SLC9C2: variants seen among roughly 807,000 people sequenced by gnomAD.
The protein encoded by SLC9C2 is solute carrier family 9 member C2 (putative), also known as sodium/hydrogen exchanger 11.
Under a neutral mutation model 140.2 loss-of-function variants are expected in SLC9C2, and 75 were observed. The observed-to-expected ratio is 0.53, with a 90% CI of 0.44 to 0.65. The LOEUF (loss-of-function observed/expected upper bound fraction) is 0.65, where lower values mean the gene tolerates loss of function less well. Among genes scored for constraint, SLC9C2 ranks in the 30% least tolerant of loss-of-function variants. SLC9C2 has a pLI of 0.00. For missense variants in SLC9C2, 1,074 were observed against 1,331.8 expected (o/e 0.81, Z 3.01); for synonymous variants, 375 against 420.9 (o/e 0.89, Z 1.34).
At chr1:173,590,348 C>G (rs2102247431) in intron 4 of SLC9C2, among the ~76,000 whole-genome samples, 1 of 151,434 alleles carries the variant, frequency 6.6e-6, no homozygotes, top group Non-Finnish European at 1.5e-5. Flanking sequence ...GATTTAGTAA[C>G]CATAAGAAGT....
intron 9 of SLC9C2, among the ~76,000 whole-genome samples, chr1:173,557,761 A>G (rs1663811317): frequency 6.6e-6 from 1 of 152,112 alleles, no homozygotes; most frequent in Non-Finnish European, 1.5e-5. Context: ...CATCAACACT[A>G]CTGTATACTG....
chr1:173,524,966 C>T (rs772509860), intron 19 of SLC9C2, 39 bp from the exon 20 acceptor site: 2 of 1,575,966 alleles, frequency 1.3e-6, no homozygotes, highest in Admixed American at 1.7e-5. Flanking sequence ...GTGGCCTATG[C>T]AATAACCACA....
chr1:173,597,123 TA>T (rs201704545), intron 4 of SLC9C2, among the ~76,000 whole-genome samples: 4 of 150,478 alleles, frequency 2.7e-5, no homozygotes, highest in Admixed American at 6.6e-5. Context: ...GCACAACATT[TA>T]AAAAAAAACA....
At chr1:173,569,126 T>C (rs1571582186) in intron 9 of SLC9C2, among the ~76,000 whole-genome samples, 1 of 152,090 alleles carries the variant, frequency 6.6e-6, no homozygotes, top group Non-Finnish European at 1.5e-5. Context: ...AAATATGTCA[T>C]GCCACTCTCT....
chr1:173,573,405 C>T, intron 8 of SLC9C2, 80 bp from the exon 9 acceptor site: 2 of 1,018,186 alleles, frequency 2.0e-6, no homozygotes, highest in Middle Eastern at 3.3e-4. Flanking sequence ...AATCATATAT[C>T]TTATATCTAC....
chr1:173,600,297 C>T lies in SLC9C2; in HGVS notation c.128-80G>A, dbSNP rs577952056. The T allele has an allele frequency of 2.3e-5, 20 of 861,326 alleles. No homozygotes were observed. In the East Asian group the frequency reaches 5.3e-4, roughly 23 times the overall value. 53.4% of individuals were successfully genotyped at this position (861,326 alleles called of 1,614,324 possible). A position where few individuals can be genotyped will look rare whatever the true frequency, so the allele number is the denominator to read the frequency against. ...AATGTGTATCACTTTTGCACCATCC[C>T]AAAGTAAGTCAAGACCTTCTGTATT... On this transcript the variant is annotated intron_variant, in intron 2 of 27. Transcript: ENST00000367714.
intron 21 of SLC9C2, among the ~76,000 whole-genome samples, chr1:173,523,388 AG>A (rs1422536931): frequency 6.6e-6 from 1 of 152,156 alleles, no homozygotes; most frequent in African/African-American, 2.4e-5. Flanking sequence ...ATAAATAAAA[AG>A]AATAAAATAA....
At chr1:173,523,892 TA>T (rs1036521678) in intron 21 of SLC9C2, 76 bp downstream of exon 21, 1 of 1,532,358 alleles carries the variant, frequency 6.5e-7, no homozygotes, top group African/African-American at 1.4e-5. Context: ...GCTTTTCTGT[TA>T]ATCTTTCATT....
chr1:173,536,682 A>T (rs908069902), intron 14 of SLC9C2, among the ~76,000 whole-genome samples: 1 of 152,184 alleles, frequency 6.6e-6, no homozygotes, highest in Admixed American at 6.5e-5. Context: ...ATCTAATTAC[A>T]TGACAGTCCA....
intron 21 of SLC9C2, among the ~76,000 whole-genome samples, chr1:173,521,846 G>A (rs1468439276): frequency 7.6e-6 from 1 of 130,746 alleles, no homozygotes; most frequent in Non-Finnish European, 1.5e-5. Flanking sequence ...CAATCCAATG[G>A]GATAATTATG....
At chr1:173,576,617 T>G in intron 8 of SLC9C2, 44 bp downstream of exon 8, 1 of 1,299,964 alleles carries the variant, frequency 7.7e-7, no homozygotes, top group Non-Finnish European at 1.1e-6. Context: ...CCTTATGCAC[T>G]AAACTGCTAT....
intron 3 of SLC9C2, among the ~76,000 whole-genome samples, chr1:173,599,384 T>C (rs1666640566): frequency 8.3e-6 from 1 of 120,746 alleles, no homozygotes; most frequent in Admixed American, 8.1e-5. Flanking sequence ...TTTTTTTTTT[T>C]TTTTTTTTGA....
intron 6 of SLC9C2, 31 bp from the exon 7 acceptor site, chr1:173,582,039 A>G (rs768319651): frequency 1.4e-5 from 20 of 1,447,098 alleles, no homozygotes; most frequent in East Asian, 2.5e-5. Flanking sequence ...ATAAGAAATA[A>G]AAACTTGAGC....
At chr1:173,524,240 T>G in intron 20 of SLC9C2, 146 bp from the exon 21 acceptor site, 2 of 738,430 alleles carry the variant, frequency 2.7e-6, no homozygotes, top group Non-Finnish European at 2.1e-6. Context: ...CCTATCTAAA[T>G]TCCTCTAACC....
chr1:173,588,140 T>TC (rs1665963483), intron 4 of SLC9C2, among the ~76,000 whole-genome samples: 1 of 152,178 alleles, frequency 6.6e-6, no homozygotes, highest in Non-Finnish European at 1.5e-5. Flanking sequence ...ATAAAACATA[T>TC]CCTGATTAGT....
intron 11 of SLC9C2, among the ~76,000 whole-genome samples, chr1:173,554,449 C>T (rs1202051798): frequency 6.6e-6 from 1 of 152,118 alleles, no homozygotes. Flanking sequence ...ACGTGGATTT[C>T]TAAACAACTT....
chr1:173,537,386 C>A (rs928632467), intron 13 of SLC9C2, among the ~76,000 whole-genome samples: 1 of 151,866 alleles, frequency 6.6e-6, no homozygotes, highest in African/African-American at 2.4e-5. Context: ...CACGGTGAAA[C>A]CCCCCATCTC....
chr1:173,517,294 T>C (rs1278892718), intron 23 of SLC9C2, among the ~76,000 whole-genome samples: 1 of 152,202 alleles, frequency 6.6e-6, no homozygotes, highest in Non-Finnish European at 1.5e-5. Context: ...GTTGGTATTC[T>C]CTCTACTTCA....
intron 6 of SLC9C2, among the ~76,000 whole-genome samples, chr1:173,582,933 C>T (rs1460056921): frequency 1.3e-5 from 2 of 152,240 alleles, no homozygotes; most frequent in Non-Finnish European, 2.9e-5. Context: ...AGCGAGCTGA[C>T]ACTATATGTG....
Sources: allele counts gnomAD v4.1 joint callset (sites outside exome capture counted in the v4.1 genomes callset), GRCh38; gene constraint gnomAD v4.1.1; transcripts MANE v1.5; gene names NCBI Gene and HGNC (gene_info 2026-07-23, HGNC 2026-07-21).